ST6GALNAC3: variants seen among roughly 807,000 people sequenced by gnomAD.
ST6GALNAC3 encodes the protein ST6 N-acetylgalactosaminide alpha-2,6-sialyltransferase 3.
A neutral mutation model predicts 32.7 loss-of-function variants in ST6GALNAC3; 25 were observed. The ratio of observed to expected loss-of-function variants is 0.76; its 90% CI spans 0.56 to 1.07. ST6GALNAC3 has a LOEUF of 1.07. Among genes scored for constraint, ST6GALNAC3 ranks in the 50% least tolerant of loss-of-function variants. The pLI is 0.00. For missense variants in ST6GALNAC3, 355 were observed against 382.4 expected (o/e 0.93, Z 0.60); for synonymous variants, 129 against 133.1 (o/e 0.97, Z 0.21).
intron 1 of ST6GALNAC3, among the ~76,000 whole-genome samples, chr1:76,290,462 G>A (rs1041334850): frequency 6.6e-6 from 1 of 152,028 alleles, no homozygotes; most frequent in Non-Finnish European, 1.5e-5. Context: ...TTACTTTCTG[G>A]TAAATACTGA....
At chr1:76,565,212 A>C (rs548116346) in intron 3 of ST6GALNAC3, among the ~76,000 whole-genome samples, 1 of 152,254 alleles carries the variant, frequency 6.6e-6, no homozygotes, top group Admixed American at 6.5e-5. Flanking sequence ...ACACCCCTTT[A>C]AAGCTCACCA....
At chr1:76,324,657 A>G (rs1055392553) in intron 2 of ST6GALNAC3, among the ~76,000 whole-genome samples, 3 of 152,218 alleles carry the variant, frequency 2.0e-5, no homozygotes, top group Non-Finnish European at 4.4e-5. Context: ...CTAAGGAAAC[A>G]TGACAACTAA....
chr1:76,610,400 G>A (rs1647845299), intron 3 of ST6GALNAC3, among the ~76,000 whole-genome samples: 1 of 152,100 alleles, frequency 6.6e-6, no homozygotes, highest in South Asian at 2.1e-4. Context: ...CCTTGCTCTT[G>A]TCACTCCAGT....
chr1:76,465,061 C>G (rs1027791858), intron 3 of ST6GALNAC3, among the ~76,000 whole-genome samples: 1 of 152,038 alleles, frequency 6.6e-6, no homozygotes, highest in African/African-American at 2.4e-5. Flanking sequence ...CCTTCTCTTC[C>G]AATAGAAACA....
chr1:76,284,269 G>A (rs1313810339), intron 1 of ST6GALNAC3, among the ~76,000 whole-genome samples: 1 of 152,176 alleles, frequency 6.6e-6, no homozygotes, highest in East Asian at 1.9e-4. Context: ...AATAGGAAGA[G>A]TAAGTAAGTA....
intron 3 of ST6GALNAC3, chr1:76,577,357 A>G (rs770049944): frequency 5.1e-6 from 5 of 981,340 alleles, no homozygotes; most frequent in Admixed American, 6.1e-5. Context: ...CTTTACCAAG[A>G]GCTATAGCCT....
intron 3 of ST6GALNAC3, chr1:76,577,302 T>C: frequency 2.0e-6 from 2 of 987,976 alleles, no homozygotes; most frequent in Non-Finnish European, 2.4e-6. Flanking sequence ...GAAAAGGCCA[T>C]GCTAGATTTC....
At chr1:76,408,463 A>G (rs1407913842) in intron 2 of ST6GALNAC3, among the ~76,000 whole-genome samples, 2 of 152,110 alleles carry the variant, frequency 1.3e-5, no homozygotes, top group South Asian at 2.1e-4. Context: ...ACCCAATGAC[A>G]TATTTGTCAC....
At chr1:76,188,454 T>C (rs987209761) in intron 1 of ST6GALNAC3, among the ~76,000 whole-genome samples, 3 of 152,184 alleles carry the variant, frequency 2.0e-5, no homozygotes, top group Admixed American at 1.3e-4. Flanking sequence ...CATGTACTAT[T>C]GGACTGGTGA....
At chr1:76,561,523 T>G (rs1665241433) in intron 3 of ST6GALNAC3, among the ~76,000 whole-genome samples, 2 of 152,280 alleles carry the variant, frequency 1.3e-5, no homozygotes, top group Middle Eastern at 3.4e-3. Context: ...CATGAAAAGA[T>G]GCTCAACACC....
At chr1:76,288,787 T>G (rs1659916595) in intron 1 of ST6GALNAC3, among the ~76,000 whole-genome samples, 1 of 152,144 alleles carries the variant, frequency 6.6e-6, no homozygotes, top group South Asian at 2.1e-4. Flanking sequence ...AAAACACAGG[T>G]GATGGTCAGA....
At chr1:76,155,051 G>C (rs536236630) in intron 1 of ST6GALNAC3, among the ~76,000 whole-genome samples, 13 of 152,226 alleles carry the variant, frequency 8.5e-5, no homozygotes, top group Admixed American at 3.9e-4. Context: ...CTTGGAGGAT[G>C]TGTGTATGTG....
chr1:76,269,676 C>T (rs1009483046), intron 1 of ST6GALNAC3, among the ~76,000 whole-genome samples: 1 of 152,186 alleles, frequency 6.6e-6, no homozygotes, highest in African/African-American at 2.4e-5. Context: ...CTGTGGCTTT[C>T]TTAGTATAAG....
chr1:76,334,413 G>T (rs1372581978), intron 2 of ST6GALNAC3, among the ~76,000 whole-genome samples: 1 of 152,162 alleles, frequency 6.6e-6, no homozygotes, highest in Non-Finnish European at 1.5e-5. Context: ...TAGACCTTTT[G>T]ATTTGGATAT....
At chr1:76,397,784 T>C (rs1233258581) in intron 2 of ST6GALNAC3, among the ~76,000 whole-genome samples, 1 of 152,190 alleles carries the variant, frequency 6.6e-6, no homozygotes, top group Non-Finnish European at 1.5e-5. Flanking sequence ...TGGTCTGTTT[T>C]TTGTATTGTT....
chr1:76,467,428 A>G (rs1039541000), intron 3 of ST6GALNAC3, among the ~76,000 whole-genome samples: 37 of 152,020 alleles, frequency 2.4e-4, no homozygotes, highest in Admixed American at 6.6e-5. Flanking sequence ...TTGCATAGGG[A>G]AAAAAGAAAA....
At chr1:76,316,341 A>G (rs78695323) in intron 2 of ST6GALNAC3, among the ~76,000 whole-genome samples, 36,201 of 152,064 alleles carry the variant, frequency 0.24, 5,473 homozygotes, top group Non-Finnish European at 0.31. Context: ...CAGAACATGT[A>G]GCAGCATTTT....
chr1:76,171,960 A>G (rs564785955), intron 1 of ST6GALNAC3, among the ~76,000 whole-genome samples: 1 of 152,276 alleles, frequency 6.6e-6, no homozygotes, highest in South Asian at 2.1e-4. Context: ...GTTGAAAAGG[A>G]GGGACTCCTC....
intron 1 of ST6GALNAC3, among the ~76,000 whole-genome samples, chr1:76,158,066 A>G (rs1462442829): frequency 6.6e-6 from 1 of 152,190 alleles, no homozygotes; most frequent in Non-Finnish European, 1.5e-5. Context: ...TGGGTCCAGG[A>G]AGCCATCTGA....
Sources: gnomAD v4.1 joint callset for allele counts (sites outside exome capture counted in the v4.1 genomes callset) on GRCh38, gnomAD v4.1.1 for gene constraint, MANE v1.5 for transcripts, NCBI Gene and HGNC (gene_info 2026-07-23, HGNC 2026-07-21) for gene names.